Variants in WDR27 observed in about 807,000 individuals in gnomAD.
WDR27 encodes WD repeat domain 27, also known as WD repeat-containing protein 27.
WDR27 carries 100 observed loss-of-function variants against 114.4 expected under a neutral mutation model. That is an observed-to-expected ratio of 0.87 (90% CI 0.74 to 1.03). WDR27 has a LOEUF of 1.03. Among genes scored for constraint, WDR27 ranks in the 50% least tolerant of loss-of-function variants. The pLI is 0.00. For synonymous variants in WDR27, 449 were observed against 423.1 expected (o/e 1.06, Z -0.75); for missense variants, 1,129 against 1,092.9 (o/e 1.03, Z -0.47).
At chr6:169,636,546 T>G (rs1055269182) in intron 18 of WDR27, 42 bp from the exon 19 acceptor site, 4 of 1,547,546 alleles carry the variant, frequency 2.6e-6, no homozygotes, top group Non-Finnish European at 2.6e-6. Flanking sequence ...TAATAAATGT[T>G]AACAAAAACA....
intron 17 of WDR27, among the ~76,000 whole-genome samples, chr6:169,639,382 T>C (rs1222648416): frequency 2.0e-5 from 3 of 152,160 alleles, no homozygotes; most frequent in Non-Finnish European, 4.4e-5. Flanking sequence ...CATGATAACA[T>C]TTAGTATTAT....
intron 14 of WDR27, among the ~76,000 whole-genome samples, chr6:169,651,077 G>A (rs1822322420): frequency 6.6e-6 from 1 of 151,784 alleles, no homozygotes; most frequent in African/African-American, 2.4e-5. Flanking sequence ...CACTGGGAGG[G>A]GTGGGAGTTG....
chr6:169,559,690 A>G (rs1161356062), intron 25 of WDR27: 1 of 152,156 alleles, frequency 6.6e-6, no homozygotes, highest in Non-Finnish European at 1.5e-5. Context: ...ATCTGCCCCG[A>G]AAGGCTCCGT....
In WDR27 at chr6:169,635,327, G is replaced by A. The variant is rs2128220237; in HGVS notation, c.2004-802C>T. On this transcript the variant is annotated intron_variant, in intron 19 of 25. Transcript: ENST00000448612. ...ATGAACTCGGGAGGCGGAGGTTGCGGTGAGCCAAGATCTCATCACTGCACT... is the reference window on the plus strand; with the variant it reads ...ATGAACTCGGGAGGCGGAGGTTGCGATGAGCCAAGATCTCATCACTGCACT... Among the ~76,000 whole-genome samples the A allele has an allele frequency of 1.3e-5, 2 of 152,336 alleles. 1 individual carries two copies. The highest frequency in any genetic ancestry group is 4.1e-4 in the South Asian group (2 of 4,826).
intron 24 of WDR27, among the ~76,000 whole-genome samples, chr6:169,576,282 A>G (rs1360740242): frequency 6.6e-6 from 1 of 152,236 alleles, no homozygotes; most frequent in Non-Finnish European, 1.5e-5. Context: ...GATGGTGGCC[A>G]GCCTCCACCT....
rs764532953 is a variant in WDR27 at position 169,582,800 on chromosome 6, C to T, written c.2523+36G>A. The stretch of plus-strand genomic sequence containing the variant: ...AAAAATATAATGTAAGACTTGTATG[C>T]AGCAGAGGCGCCCCACCCACTCAGC... On this transcript the variant is annotated intron_variant, in intron 24 of 25. Transcript: ENST00000448612. 5.0e-5 allele frequency: 77 copies of T among 1,524,978 alleles called. No homozygotes were observed. In the Admixed American group the frequency reaches 1.3e-3, roughly 26 times the overall value. 94.5% of individuals were successfully genotyped at this position (1,524,978 alleles called of 1,614,324 possible). A position where few individuals can be genotyped will look rare whatever the true frequency, so the allele number is the denominator to read the frequency against.
intron 25 of WDR27, among the ~76,000 whole-genome samples, chr6:169,550,902 G>A (rs1798010782): frequency 6.6e-6 from 1 of 152,130 alleles, no homozygotes; most frequent in Non-Finnish European, 1.5e-5. Context: ...GTTTTGTAGA[G>A]ACGGGGTCTC....
intron 25 of WDR27, among the ~76,000 whole-genome samples, chr6:169,475,245 G>A (rs978416794): frequency 1.6e-4 from 25 of 152,068 alleles, no homozygotes; most frequent in Non-Finnish European, 1.6e-4. Flanking sequence ...ATTTTGAAAC[G>A]CAGTTTTGCT....
chr6:169,534,042 T>C (rs1301019511), intron 25 of WDR27, among the ~76,000 whole-genome samples: 1 of 152,172 alleles, frequency 6.6e-6, no homozygotes, highest in Admixed American at 6.5e-5. Flanking sequence ...CAGGTGGCTT[T>C]ATTAGGTTAA....
At chr6:169,459,378 C>CA (rs1435631599) in intron 25 of WDR27, among the ~76,000 whole-genome samples, 1 of 151,730 alleles carries the variant, frequency 6.6e-6, no homozygotes, top group Non-Finnish European at 1.5e-5. Flanking sequence ...TAGAAACTAT[C>CA]AAGTCTGAGG....
chr6:169,435,777 T>G, the WDR27 span, among the ~76,000 whole-genome samples: 2 of 152,352 alleles, frequency 1.3e-5, no homozygotes, highest in East Asian at 1.9e-4. Flanking sequence ...GACTTTGGAC[T>G]GTGGTCTTTT....
intron 25 of WDR27, among the ~76,000 whole-genome samples, chr6:169,482,026 C>G (rs569947748): frequency 6.6e-5 from 10 of 152,324 alleles, no homozygotes; most frequent in African/African-American, 2.4e-4. Context: ...TCATTTAGCT[C>G]CCACTAATAA....
intron 24 of WDR27, among the ~76,000 whole-genome samples, chr6:169,572,800 G>A (rs1801671728): frequency 6.6e-6 from 1 of 152,116 alleles, no homozygotes; most frequent in Admixed American, 6.6e-5. Flanking sequence ...ACTACTTGTT[G>A]AGAAAGTAAT....
chr6:169,559,520 C>T (rs1799372754), intron 25 of WDR27: 2 of 152,052 alleles, frequency 1.3e-5, no homozygotes, highest in Admixed American at 1.3e-4. Context: ...GCATTAATGC[C>T]ACATTAGTAG....
intron 14 of WDR27, among the ~76,000 whole-genome samples, chr6:169,649,707 TCCAA>T (rs1584895995): frequency 6.6e-6 from 1 of 151,920 alleles, no homozygotes. Context: ...AATTCATCCA[TCCAA>T]CCATCACCCA....
chr6:169,564,775 T>C (rs1017800928), intron 25 of WDR27, among the ~76,000 whole-genome samples: 5 of 152,178 alleles, frequency 3.3e-5, no homozygotes, highest in African/African-American at 9.7e-5. Context: ...GAACGCTCCA[T>C]GGCTCCCATC....
intron 25 of WDR27, among the ~76,000 whole-genome samples, chr6:169,551,937 C>G (rs1798195883): frequency 6.6e-6 from 1 of 152,136 alleles, no homozygotes. Context: ...TTTACAAAAA[C>G]AGGGTCATCT....
At chr6:169,510,331 C>T (rs533815400) in intron 25 of WDR27, among the ~76,000 whole-genome samples, 25 of 152,160 alleles carry the variant, frequency 1.6e-4, no homozygotes, top group Admixed American at 6.5e-4. Context: ...CACATGCACA[C>T]GTATGTTTAT....
chr6:169,578,917 G>A (rs1452500850), intron 24 of WDR27, among the ~76,000 whole-genome samples: 1 of 152,106 alleles, frequency 6.6e-6, no homozygotes, highest in African/African-American at 2.4e-5. Flanking sequence ...AAGAAGTGTG[G>A]GAGCTGCCGT....
Sources: allele counts gnomAD v4.1 joint callset (sites outside exome capture counted in the v4.1 genomes callset), GRCh38; gene constraint gnomAD v4.1.1; transcripts MANE v1.5; gene names NCBI Gene and HGNC (gene_info 2026-07-23, HGNC 2026-07-21).